Variants in PLCG2 observed in about 807,000 individuals in gnomAD.
PLCG2 encodes 1-phosphatidylinositol 4,5-bisphosphate phosphodiesterase gamma-2.
PLCG2 carries 69 observed loss-of-function variants against 175.6 expected under a neutral mutation model. That is an observed-to-expected ratio of 0.39 (90% CI 0.32 to 0.48). The LOEUF (loss-of-function observed/expected upper bound fraction) is 0.48. Among genes scored for constraint, PLCG2 ranks in the 20% least tolerant of loss-of-function variants. The pLI is 0.91. For synonymous variants in PLCG2, 827 were observed against 624.0 expected, an observed-to-expected ratio of 1.33 and a Z score of -4.85; for missense variants, 1,798 against 1,650.9, an observed-to-expected ratio of 1.09 and a Z score of -1.54.
At chr16:81,837,613 T>C (rs150521011) in intron 2 of PLCG2, among the ~76,000 whole-genome samples, 131 of 151,400 alleles carry the variant, frequency 8.7e-4, no homozygotes, top group Non-Finnish European at 1.4e-3. Context: ...AGGTTGGGAG[T>C]GTGGTTTCCT....
Position 81,956,699 on chromosome 16 carries a change from G to C in PLCG2, c.3575G>C (p.Ser1192Thr), listed in dbSNP as rs761797236. The C allele has an allele frequency of 8.1e-6, 13 of 1,613,652 alleles. No homozygotes were observed. Among genetic ancestry groups the C allele is most frequent in the Non-Finnish European group, 1.1e-5 (13 of 1,179,862 alleles). Residue 1192 changes from serine (S) to threonine (T), a missense_variant, in exon 32 of 33, where the codon AGC (serine) becomes ACC (threonine). Physicochemically the swap from Ser to Thr is moderately conservative, Grantham distance 58. Coordinates refer to ENST00000564138, the MANE Select transcript of PLCG2 (RefSeq NM_002661.5). ...VFCEMRPVLE[S>T]EEELYSSCRQ... Reference sequence around the variant, plus strand: ...TCTCTCCCCTGCATCCTCCAGGAGAGCGAAGAGGAACTTTACTCCTCCTGT... The same window carrying C: ...TCTCTCCCCTGCATCCTCCAGGAGACCGAAGAGGAACTTTACTCCTCCTGT...
At chr16:81,921,712 C>T in intron 21 of PLCG2, 1 of 249,372 alleles carries the variant, frequency 4.0e-6, no homozygotes, top group South Asian at 4.7e-5. Flanking sequence ...TCGGCTCCTC[C>T]TTGCCATGCT....
At chr16:81,917,449 T>C (rs1909889326) in intron 19 of PLCG2, among the ~76,000 whole-genome samples, 1 of 152,156 alleles carries the variant, frequency 6.6e-6, no homozygotes, top group East Asian at 1.9e-4. Context: ...GTTCTATTTT[T>C]AATTTTTTGA....
intron 2 of PLCG2, among the ~76,000 whole-genome samples, chr16:81,853,567 T>C (rs1424380660): frequency 6.6e-6 from 1 of 152,210 alleles, no homozygotes; most frequent in Non-Finnish European, 1.5e-5. Context: ...ATCCCTCGCA[T>C]GCGTAGTTCA....
At chr16:81,780,368 G>A (rs1425935682) in intron 1 of PLCG2, among the ~76,000 whole-genome samples, 6 of 152,192 alleles carry the variant, frequency 3.9e-5, no homozygotes, top group African/African-American at 1.4e-4. Flanking sequence ...GAGAATCGGG[G>A]CGCATCCATG....
intron 2 of PLCG2, among the ~76,000 whole-genome samples, chr16:81,794,327 A>T (rs1911368988): frequency 6.6e-6 from 1 of 152,212 alleles, no homozygotes; most frequent in Non-Finnish European, 1.5e-5. Flanking sequence ...TTTTTGAAAT[A>T]AATGTGAAAT....
chr16:81,772,262 C>G (rs1215337537), intron 2 of PLCG2, among the ~76,000 whole-genome samples: 1 of 152,104 alleles, frequency 6.6e-6, no homozygotes, highest in African/African-American at 2.4e-5. Context: ...GATGCAGCTC[C>G]AAGCCAAGGA....
At chr16:81,844,144 T>TA (rs1491123502) in intron 2 of PLCG2, among the ~76,000 whole-genome samples, 1 of 10,800 alleles carries the variant, frequency 9.3e-5, no homozygotes, top group Non-Finnish European at 2.6e-4. Flanking sequence ...ACCCGGCTGA[T>TA]TTTTTTTTTT....
intron 19 of PLCG2, among the ~76,000 whole-genome samples, chr16:81,917,055 C>T (rs1371476587): frequency 6.6e-6 from 1 of 152,130 alleles, no homozygotes; most frequent in Non-Finnish European, 1.5e-5. Flanking sequence ...CTCCCTACCT[C>T]CCCCTGCCCC....
chr16:81,783,060 G>C (rs1470330901), intron 1 of PLCG2: 1 of 456,982 alleles, frequency 2.2e-6, no homozygotes, highest in Non-Finnish European at 4.4e-6. Context: ...GGAAGGTTAA[G>C]TCCAAGGCCC....
intron 11 of PLCG2, 127 bp downstream of exon 11, chr16:81,891,717 T>C (rs1192528782): frequency 1.6e-6 from 1 of 615,546 alleles, no homozygotes; most frequent in Non-Finnish European, 3.0e-6. Context: ...ACCGCATTCC[T>C]TGGACTAAAA....
intron 19 of PLCG2, among the ~76,000 whole-genome samples, chr16:81,918,077 T>TC (rs1460995283): frequency 6.6e-5 from 10 of 152,318 alleles, no homozygotes; most frequent in African/African-American, 2.4e-4. Context: ...CTGTTTGACT[T>TC]CCTTATATAT....
Position 81,935,813 on chromosome 16 carries a change from CCCTCCCAAGATCTTCT to C in PLCG2, c.2843-352_2843-337del, listed in dbSNP as rs1567540241. Reference sequence around the variant, plus strand: ...GTGTCTGTGGTCTCTCTGGATCTTCCCCTCCCAAGATCTTCTCCTACCCAAAACCATTCCCATTCTC... The same window carrying C: ...GTGTCTGTGGTCTCTCTGGATCTTCCCCTACCCAAAACCATTCCCATTCTC... On this transcript the variant is annotated intron_variant, in intron 26 of 32. Transcript: ENST00000564138. The C allele has an allele frequency of 3.0e-6, 3 of 985,202 alleles. No individual in the cohort carries two copies. In the East Asian group the frequency reaches 3.4e-4, roughly 112 times the overall value. The allele number at this position is 985,202 out of a possible 1,614,324, so 61.0% of individuals were successfully genotyped here. A position where few individuals can be genotyped will look rare whatever the true frequency, so the allele number is the denominator to read the frequency against.
At chr16:81,879,090 T>G (rs1313006399) in intron 7 of PLCG2, among the ~76,000 whole-genome samples, 4 of 152,028 alleles carry the variant, frequency 2.6e-5, no homozygotes, top group Admixed American at 6.6e-5. Context: ...GGGAATGCGG[T>G]GCGGGCTTTT....
intron 7 of PLCG2, among the ~76,000 whole-genome samples, chr16:81,876,521 G>C (rs1173306985): frequency 6.6e-6 from 1 of 152,296 alleles, no homozygotes; most frequent in East Asian, 1.9e-4. Flanking sequence ...CTCTGGCATG[G>C]CCCCTTCTCT....
rs569942026 is a variant in PLCG2 at position 81,838,746 on chromosome 16, G to A, written c.194-15698G>A. On this transcript the variant is annotated intron_variant, in intron 2 of 32. Transcript: ENST00000564138. Reference sequence around the variant, plus strand: ...CCTATGTAACAAACCTGCACGTTCCGCACATGTATCCCAGAACTTAAAGTA... The same window carrying A: ...CCTATGTAACAAACCTGCACGTTCCACACATGTATCCCAGAACTTAAAGTA... Among the ~76,000 whole-genome samples the A allele has an allele frequency of 7.4e-5, 11 of 148,990 alleles. No individual in the cohort carries two copies. The East Asian group carries it at 1.6e-3, about 21-fold the overall frequency.
rs768330532 is a variant in PLCG2, at chr16:81,921,280, G to A, written c.2307+11G>A. On this transcript the variant is annotated intron_variant, in intron 21 of 32. Coordinates refer to ENST00000564138, the MANE Select transcript of PLCG2 (RefSeq NM_002661.5). ...ATCAATCCGTCCATGGTACGGTGCCGAACCTCCAATTCACATGATTTTGGA... is the reference window on the plus strand; with the variant it reads ...ATCAATCCGTCCATGGTACGGTGCCAAACCTCCAATTCACATGATTTTGGA... 1.3e-5 allele frequency: 20 copies of A among 1,578,958 alleles called. No homozygotes were observed. Among genetic ancestry groups the A allele is most frequent in the Admixed American group, 5.0e-5 (3 of 59,926 alleles).
intron 2 of PLCG2, among the ~76,000 whole-genome samples, chr16:81,806,595 A>T (rs1436983650): frequency 1.3e-5 from 2 of 152,006 alleles, no homozygotes; most frequent in Non-Finnish European, 2.9e-5. Flanking sequence ...CCATTACATG[A>T]TCATAGGATA....
chr16:81,931,902 C>T (rs1370093749), intron 25 of PLCG2, among the ~76,000 whole-genome samples: 1 of 152,214 alleles, frequency 6.6e-6, no homozygotes, highest in African/African-American at 2.4e-5. Flanking sequence ...TGAGTGCCTG[C>T]AGCAATGCTC....
Sources: gnomAD v4.1 joint callset for allele counts (sites outside exome capture counted in the v4.1 genomes callset) on GRCh38, gnomAD v4.1.1 for gene constraint, MANE v1.5 for transcripts, NCBI Gene and HGNC (gene_info 2026-07-23, HGNC 2026-07-21) for gene names.